The following ASTN2 variants were observed in gnomAD, a reference collection of about 807,000 sequenced individuals.
ASTN2 encodes the protein astrotactin-2.
In ASTN2, 54 loss-of-function variants were observed where a neutral mutation model predicts 139.8. The ratio of observed to expected loss-of-function variants is 0.39; its 90% CI spans 0.31 to 0.48. The LOEUF (loss-of-function observed/expected upper bound fraction) is 0.48, where lower values mean the gene tolerates loss of function less well. Among genes scored for constraint, ASTN2 ranks in the 20% least tolerant of loss-of-function variants. The pLI, the probability that ASTN2 is intolerant of heterozygous loss-of-function variation, is 0.95. For missense variants in ASTN2, 1,565 were observed against 1,725.1 expected (o/e 0.91, Z 1.64); for synonymous variants, 756 against 719.5 (o/e 1.05, Z -0.81).
intron 16 of ASTN2, among the ~76,000 whole-genome samples, chr9:116,660,168 G>GTACA (rs1554727030): frequency 6.8e-6 from 1 of 146,576 alleles, no homozygotes; most frequent in South Asian, 2.2e-4. Flanking sequence ...TATTGCAAGC[G>GTACA]CACACACACA....
chr9:117,062,603 T>C (rs1438937137), intron 5 of ASTN2, among the ~76,000 whole-genome samples: 1 of 152,182 alleles, frequency 6.6e-6, no homozygotes, highest in South Asian at 2.1e-4. Flanking sequence ...TGATAATCCA[T>C]GCATTCAATA....
At chr9:117,138,360 G>A (rs1829999736) in intron 4 of ASTN2, among the ~76,000 whole-genome samples, 1 of 152,118 alleles carries the variant, frequency 6.6e-6, no homozygotes, top group South Asian at 2.1e-4. Context: ...AAAGAGGCAT[G>A]GCAAGGAGAA....
intron 6 of ASTN2, among the ~76,000 whole-genome samples, chr9:117,034,721 C>T (rs375692573): frequency 1.3e-5 from 2 of 152,044 alleles, no homozygotes; most frequent in Admixed American, 6.6e-5. Flanking sequence ...TAAATGCAGA[C>T]GATTTGTAGT....
At chr9:117,235,067 C>T (rs569886178) in intron 2 of ASTN2, among the ~76,000 whole-genome samples, 1 of 152,050 alleles carries the variant, frequency 6.6e-6, no homozygotes, top group Non-Finnish European at 1.5e-5. Context: ...AACCCTGACT[C>T]TACCAGAAAT....
At chr9:116,970,639 G>T (rs1836166256) in intron 10 of ASTN2, among the ~76,000 whole-genome samples, 1 of 152,102 alleles carries the variant, frequency 6.6e-6, no homozygotes, top group African/African-American at 2.4e-5. Flanking sequence ...TAAATTCTCA[G>T]TACTTGGAAT....
At chr9:117,257,731 C>G (rs1409869433) in intron 2 of ASTN2, among the ~76,000 whole-genome samples, 1 of 152,170 alleles carries the variant, frequency 6.6e-6, no homozygotes, top group African/African-American at 2.4e-5. Flanking sequence ...TGATATATAC[C>G]TCTCTCCATT....
At chr9:117,167,615 G>T (rs545923879) in intron 3 of ASTN2, among the ~76,000 whole-genome samples, 1 of 152,184 alleles carries the variant, frequency 6.6e-6, no homozygotes, top group South Asian at 2.1e-4. Context: ...GAACCTGAAT[G>T]TGATGGACAA....
intron 16 of ASTN2, among the ~76,000 whole-genome samples, chr9:116,659,436 C>T (rs1858424276): frequency 6.6e-6 from 1 of 152,176 alleles, no homozygotes; most frequent in Admixed American, 6.5e-5. Context: ...TTTATCACCA[C>T]AGCCCCAAAG....
rs529410447 is a variant in ASTN2, at chr9:116,864,605, T to C, written c.1890-872A>G. On this transcript the variant is annotated intron_variant, in intron 10 of 22. Coordinates refer to ENST00000313400, the MANE Select transcript of ASTN2 (RefSeq NM_001365068.1). ...AGAGATACATTTGCTCTGGGGTATA[T>C]GATTCCCATACTTACAGGAGATTTT... 5.9e-5 allele frequency among the ~76,000 whole-genome samples: 9 copies of C among 152,296 alleles called. No individual in the cohort carries two copies. The East Asian group carries it at 1.7e-3, about 29-fold the overall frequency.
rs1268133352 is a variant in ASTN2, at chr9:116,805,825, A to G, written c.2208-5T>C. 3 of 1,612,738 alleles carry G rather than the reference A, an allele frequency of 1.9e-6. No individual in the cohort carries two copies. The highest frequency in any genetic ancestry group is 1.3e-5 in the African/African-American group (1 of 74,908). The stretch of plus-strand genomic sequence containing the variant: ...AGTTTGTACTCCTCCACGCAACTGT[A>G]TGATAAAACAGAGCTCAGAATTAGC... On this transcript the variant is annotated splice_region_variant and splice_polypyrimidine_tract_variant and intron_variant, in intron 12 of 22. Transcript: ENST00000313400.
At chr9:117,206,591 T>G (rs1035528224) in intron 3 of ASTN2, among the ~76,000 whole-genome samples, 2 of 152,154 alleles carry the variant, frequency 1.3e-5, no homozygotes, top group Non-Finnish European at 2.9e-5. Context: ...GGGCTCCATC[T>G]TCATTACCCC....
chr9:116,773,831 C>G (rs1457155271), intron 13 of ASTN2, among the ~76,000 whole-genome samples: 2 of 151,942 alleles, frequency 1.3e-5, no homozygotes, highest in Admixed American at 6.6e-5. Context: ...TTTTTTTTCC[C>G]TCCTACAGAT....
chr9:117,289,201 G>A (rs1008589338), intron 2 of ASTN2, among the ~76,000 whole-genome samples: 12 of 152,170 alleles, frequency 7.9e-5, no homozygotes, highest in African/African-American at 2.9e-4. Context: ...GAGAGATCCA[G>A]ATTATGGAGC....
chr9:116,433,818 T>G (rs1264515738), intron 22 of ASTN2, among the ~76,000 whole-genome samples: 1 of 152,358 alleles, frequency 6.6e-6, no homozygotes, highest in African/African-American at 2.4e-5. Context: ...ACACCAGGTT[T>G]GAAATGTGAT....
chr9:117,310,700 C>T (rs1446536813), intron 1 of ASTN2, among the ~76,000 whole-genome samples: 4 of 152,056 alleles, frequency 2.6e-5, no homozygotes, highest in South Asian at 2.1e-4. Context: ...GGTATGATCA[C>T]GACTCACTGC....
At chr9:117,128,099 G>A (rs1829741264) in intron 4 of ASTN2, among the ~76,000 whole-genome samples, 1 of 152,044 alleles carries the variant, frequency 6.6e-6, no homozygotes, top group Non-Finnish European at 1.5e-5. Context: ...TCAGTTCCTG[G>A]GTGGGGGCTA....
At chr9:117,191,170 G>A (rs1831337502) in intron 3 of ASTN2, among the ~76,000 whole-genome samples, 1 of 125,652 alleles carries the variant, frequency 8.0e-6, no homozygotes, top group East Asian at 2.5e-4. Flanking sequence ...AAATAACACA[G>A]AATAGTGAAA....
chr9:116,616,339 G>A (rs1214201424), intron 19 of ASTN2, among the ~76,000 whole-genome samples: 1 of 152,202 alleles, frequency 6.6e-6, no homozygotes, highest in Non-Finnish European at 1.5e-5. Flanking sequence ...AAACAGTAGA[G>A]AGAATGAGTG....
chr9:117,108,004 A>G (rs1023423092), intron 4 of ASTN2, among the ~76,000 whole-genome samples: 3 of 152,202 alleles, frequency 2.0e-5, no homozygotes, highest in Non-Finnish European at 4.4e-5. Context: ...GAAAGGGAAC[A>G]ATAGTGACTG....
Sources: gnomAD v4.1 joint callset for allele counts (sites outside exome capture counted in the v4.1 genomes callset) on GRCh38, gnomAD v4.1.1 for gene constraint, MANE v1.5 for transcripts, NCBI Gene and HGNC (gene_info 2026-07-23, HGNC 2026-07-21) for gene names.